The following SOBP variants were observed in gnomAD, a reference collection of about 807,000 sequenced individuals.
The protein encoded by SOBP is sine oculis binding protein homolog, also known as sine oculis-binding protein homolog.
SOBP carries 4 observed loss-of-function variants against 53.6 expected under a neutral mutation model. The observed-to-expected ratio is 0.07, with a 90% CI of 0.04 to 0.17. SOBP has a LOEUF of 0.17. SOBP is among the 10% of genes least tolerant of loss of function. The probability of loss-of-function intolerance (pLI) is 1.00; values close to 1 mark genes in which losing one functional copy is unlikely to be tolerated. For synonymous variants in SOBP, 584 were observed against 522.6 expected, an observed-to-expected ratio of 1.12 and a Z score of -1.60; for missense variants, 1,088 against 1,204.7, an observed-to-expected ratio of 0.90 and a Z score of 1.43.
At chr6:107,646,393 CAG>C (rs1474490188) in intron 6 of SOBP, among the ~76,000 whole-genome samples, 3 of 152,204 alleles carry the variant, frequency 2.0e-5, no homozygotes, top group African/African-American at 7.2e-5. Context: ...GCCACAGAAA[CAG>C]AGGCCCCACC....
At chr6:107,620,660 G>A (rs897211550) in intron 5 of SOBP, among the ~76,000 whole-genome samples, 1 of 152,114 alleles carries the variant, frequency 6.6e-6, no homozygotes, top group African/African-American at 2.4e-5. Context: ...ATGCCAATCT[G>A]TATCAAAGGC....
intron 4 of SOBP, among the ~76,000 whole-genome samples, chr6:107,564,472 C>A (rs1442686107): frequency 6.7e-6 from 1 of 150,278 alleles, no homozygotes; most frequent in African/African-American, 2.5e-5. Flanking sequence ...GAAGGTTAAT[C>A]AAATCTCAGC....
chr6:107,571,646 G>A (rs1785076502), intron 4 of SOBP, among the ~76,000 whole-genome samples: 1 of 152,200 alleles, frequency 6.6e-6, no homozygotes, highest in Non-Finnish European at 1.5e-5. Flanking sequence ...GAAGAGAGCT[G>A]TCTGTGAGCA....
At chr6:107,628,796 G>A (rs1770576106) in intron 5 of SOBP, among the ~76,000 whole-genome samples, 1 of 152,212 alleles carries the variant, frequency 6.6e-6, no homozygotes, top group African/African-American at 2.4e-5. Context: ...GCTGGTGGCA[G>A]TGTCTAGACC....
At chr6:107,646,181 C>T (rs949001940) in intron 6 of SOBP, among the ~76,000 whole-genome samples, 15 of 152,234 alleles carry the variant, frequency 9.9e-5, no homozygotes, top group Non-Finnish European at 1.6e-4. Context: ...CATTGCAGAA[C>T]GTCATCGCTG....
chr6:107,626,817 C>T (rs1460378388), intron 5 of SOBP, among the ~76,000 whole-genome samples: 1 of 150,912 alleles, frequency 6.6e-6, no homozygotes, highest in Non-Finnish European at 1.5e-5. Flanking sequence ...TCACATGTTT[C>T]CCCAGGCAGG....
intron 5 of SOBP, among the ~76,000 whole-genome samples, chr6:107,629,533 A>G (rs1527872): frequency 0.12 from 17,668 of 152,260 alleles, 1,195 homozygotes; most frequent in East Asian, 0.25. Flanking sequence ...TTTGACGTTT[A>G]TATAAAAATA....
chr6:107,530,424 A>AG (rs1207998189), intron 3 of SOBP, among the ~76,000 whole-genome samples: 1 of 152,140 alleles, frequency 6.6e-6, no homozygotes, highest in Non-Finnish European at 1.5e-5. Context: ...CTAGGGGTGC[A>AG]GTCATAAGAT....
intron 5 of SOBP, among the ~76,000 whole-genome samples, chr6:107,616,089 G>GGC (rs1554187919): frequency 7.8e-6 from 1 of 128,122 alleles, no homozygotes; most frequent in East Asian, 2.8e-4. Context: ...GGGGGTGGGG[G>GGC]GGGGGCGGGG....
chr6:107,634,351 G>T lies in SOBP; in HGVS notation c.1507G>T (p.Val503Leu). 6.3e-7 allele frequency: 1 copy of T among 1,591,152 alleles called. No individual in the cohort carries two copies. The highest frequency in any genetic ancestry group is 1.1e-5 in the South Asian group (1 of 89,502). ...VSMMPNGPMPVPQMMNFGLPS... is the reference protein window; with the variant it reads ...VSMMPNGPMPLPQMMNFGLPS... ...CATGATGCCAAATGGCCCGATGCCG[G>T]TGCCCCAGATGATGAATTTCGGGCT... Residue 503 changes from valine to leucine, a missense_variant, in exon 6 of 7, where the codon GTG becomes TTG. Around this residue, in one of 6 missense-constraint regions of SOBP, gnomAD observed 665 missense variants for 629.7 expected, o/e 1.06. Coordinates refer to ENST00000317357, the MANE Select transcript of SOBP (RefSeq NM_018013.4). The surrounding 1 kb of genome is among the most constrained non-coding windows in gnomAD (Gnocchi z 4.5).
intron 5 of SOBP, among the ~76,000 whole-genome samples, chr6:107,610,291 T>C (rs1402096984): frequency 6.6e-6 from 1 of 152,184 alleles, no homozygotes; most frequent in Non-Finnish European, 1.5e-5. Flanking sequence ...GAACTGGCTG[T>C]CTTCCTTTCT....
intron 6 of SOBP, among the ~76,000 whole-genome samples, chr6:107,649,679 A>AG (rs1562127302): frequency 1.3e-5 from 2 of 151,622 alleles, no homozygotes; most frequent in South Asian, 2.1e-4. Context: ...AAAAAAAAAA[A>AG]AAGAAGAAGA....
intron 4 of SOBP, among the ~76,000 whole-genome samples, chr6:107,556,381 T>C (rs1357719087): frequency 3.3e-5 from 5 of 152,234 alleles, no homozygotes; most frequent in African/African-American, 9.7e-5. Context: ...TTTTCTGTTA[T>C]ACCAGTGCTA....
intron 6 of SOBP, among the ~76,000 whole-genome samples, chr6:107,651,227 A>G (rs1421566470): frequency 6.6e-6 from 1 of 152,206 alleles, no homozygotes; most frequent in Non-Finnish European, 1.5e-5. Context: ...TGATCATGCC[A>G]CTGCACTCCA....
intron 4 of SOBP, among the ~76,000 whole-genome samples, chr6:107,544,469 G>A (rs963237282): frequency 5.9e-5 from 9 of 152,174 alleles, no homozygotes; most frequent in Non-Finnish European, 4.4e-5. Context: ...ATGTGAAGTC[G>A]TCACTGTGGC....
chr6:107,606,093 T>C (rs1281942052), intron 5 of SOBP, among the ~76,000 whole-genome samples: 2 of 67,910 alleles, frequency 2.9e-5, no homozygotes, highest in Admixed American at 1.5e-4. Context: ...TTTTTTTTTT[T>C]TGAAAGGGAG....
chr6:107,536,857 A>G (rs1359020391), intron 4 of SOBP, among the ~76,000 whole-genome samples: 1 of 152,182 alleles, frequency 6.6e-6, no homozygotes, highest in Non-Finnish European at 1.5e-5. Flanking sequence ...AATTCATAAT[A>G]TATTTTGTAG....
At chr6:107,601,220 A>G (rs1217562979) in intron 5 of SOBP, among the ~76,000 whole-genome samples, 1 of 152,152 alleles carries the variant, frequency 6.6e-6, no homozygotes, top group Non-Finnish European at 1.5e-5. Flanking sequence ...GGCAGAATGA[A>G]TAGAAGCAGA....
At chr6:107,611,984 G>A (rs1438861654) in intron 5 of SOBP, among the ~76,000 whole-genome samples, 1 of 152,086 alleles carries the variant, frequency 6.6e-6, no homozygotes, top group Non-Finnish European at 1.5e-5. Flanking sequence ...TGAATATCTT[G>A]CCCAGATCAA....
Sources: gnomAD v4.1 joint callset for allele counts (sites outside exome capture counted in the v4.1 genomes callset) on GRCh38, gnomAD v4.1.1 for gene constraint, gnomAD v4.1.1 regional missense constraint, Gnocchi (gnomAD v3.1) non-coding constraint, MANE v1.5 for transcripts, NCBI Gene and HGNC (gene_info 2026-07-23, HGNC 2026-07-21) for gene names.